Variants in LRBA observed in about 807,000 individuals in gnomAD.
LRBA encodes LPS responsive beige-like anchor protein.
In LRBA, 176 loss-of-function variants were observed where a neutral mutation model predicts 330.0. The ratio of observed to expected loss-of-function variants is 0.53; its 90% CI spans 0.47 to 0.60. LRBA has a LOEUF of 0.60. Ranked by LOEUF, LRBA falls within the 20% of genes least tolerant of loss-of-function variation. The pLI is 0.00. For missense variants in LRBA, 3,259 were observed against 3,444.8 expected (o/e 0.95, Z 1.35); for synonymous variants, 1,230 against 1,193.0 (o/e 1.03, Z -0.64).
intron 35 of LRBA, among the ~76,000 whole-genome samples, chr4:150,736,541 T>C (rs1012764642): frequency 2.0e-5 from 3 of 152,010 alleles, no homozygotes; most frequent in African/African-American, 7.2e-5. Flanking sequence ...CAATGACAAC[T>C]AGACTGAAAC....
chr4:150,980,210 T>C (rs1274486208), intron 2 of LRBA, among the ~76,000 whole-genome samples: 1 of 151,952 alleles, frequency 6.6e-6, no homozygotes, highest in African/African-American at 2.4e-5. Flanking sequence ...ATTAACAGAA[T>C]GGAGAACAAA....
rs138001590 is a variant in LRBA, at chr4:150,623,190, C to A, written c.5922-24059G>T. The stretch of plus-strand genomic sequence containing the variant: ...ACCATTACTGACAAATCTTTCCTGG[C>A]GGTACATTCAAACCTTGCCCCACAA... On this transcript the variant is annotated intron_variant, in intron 37 of 56. Coordinates refer to ENST00000651943, the MANE Select transcript of LRBA (RefSeq NM_001364905.1). Among the ~76,000 whole-genome samples, 4 of 152,280 alleles carry A rather than the reference C, an allele frequency of 2.6e-5. No individual in the cohort carries two copies. In the East Asian group the frequency reaches 5.8e-4, roughly 22 times the overall value.
chr4:150,677,810 A>G (rs114500688), intron 37 of LRBA, among the ~76,000 whole-genome samples: 2 of 108,844 alleles, frequency 1.8e-5, no homozygotes, highest in African/African-American at 4.0e-5. Context: ...GTCTTAAAAA[A>G]AAAAAGAAAA....
At chr4:150,674,955 C>T (rs752454751) in intron 37 of LRBA, among the ~76,000 whole-genome samples, 2 of 151,972 alleles carry the variant, frequency 1.3e-5, no homozygotes, top group African/African-American at 2.4e-5. Context: ...TAATGGCTCA[C>T]GCCTATAATC....
Position 150,934,263 on chromosome 4 carries a change from A to G in LRBA, c.217-5198T>C, listed in dbSNP as rs568241204. Among the ~76,000 whole-genome samples the G allele has an allele frequency of 7.9e-5, 12 of 152,324 alleles. No individual in the cohort carries two copies. The East Asian group carries it at 2.3e-3, about 29-fold the overall frequency. ...GCACCATGCAATCAGAACACATACA[A>G]AACCTATCAAGATGGGCTCAAGCTG... On this transcript the variant is annotated intron_variant, in intron 2 of 56. Transcript: ENST00000651943.
intron 17 of LRBA, among the ~76,000 whole-genome samples, chr4:150,891,546 G>A (rs1285891687): frequency 6.6e-6 from 1 of 152,182 alleles, no homozygotes; most frequent in Non-Finnish European, 1.5e-5. Context: ...AAGCCTAACT[G>A]CCTTGGAGAA....
chr4:150,494,830 T>TA (rs1403416908), intron 40 of LRBA, among the ~76,000 whole-genome samples: 1 of 151,856 alleles, frequency 6.6e-6, no homozygotes, highest in Non-Finnish European at 1.5e-5. Flanking sequence ...CCCGTCTCAA[T>TA]AAAAAAATAA....
chr4:150,955,816 C>T lies in LRBA; in HGVS notation c.217-26751G>A, dbSNP rs970952839. Among the ~76,000 whole-genome samples, 8 of 147,770 alleles carry T rather than the reference C, an allele frequency of 5.4e-5. 1 individual carries two copies. Among genetic ancestry groups the T allele is most frequent in the Admixed American group, 2.7e-4 (4 of 15,092 alleles). ...CTGAGACAGGAGAATCACTTGAACCCGGGAGGCAGAGGTTGTGGTGAGCCG... is the reference window on the plus strand; with the variant it reads ...CTGAGACAGGAGAATCACTTGAACCTGGGAGGCAGAGGTTGTGGTGAGCCG... On this transcript the variant is annotated intron_variant, in intron 2 of 56. Coordinates refer to ENST00000651943, the MANE Select transcript of LRBA (RefSeq NM_001364905.1).
chr4:150,635,115 T>A (rs1156270652), intron 37 of LRBA, among the ~76,000 whole-genome samples: 2 of 152,332 alleles, frequency 1.3e-5, no homozygotes, highest in East Asian at 3.9e-4. Context: ...GAAGTCAACA[T>A]GGCAGATTAG....
chr4:150,865,879 C>T (rs1033906681), intron 22 of LRBA, among the ~76,000 whole-genome samples: 1 of 152,200 alleles, frequency 6.6e-6, no homozygotes, highest in Non-Finnish European at 1.5e-5. Flanking sequence ...CCACGCCTGG[C>T]TAATGTTTGT....
rs771617993 is a variant in LRBA, at chr4:150,817,260, G to A, written c.5172-3C>T. 2.5e-6 allele frequency: 4 copies of A among 1,610,868 alleles called. No individual in the cohort carries two copies. Among genetic ancestry groups the A allele is most frequent in the Admixed American group, 3.3e-5 (2 of 59,778 alleles). The stretch of plus-strand genomic sequence containing the variant: ...TTTTTGCTGCAACAATGACACTTCT[G>A]TAATAAAGAAAGTAAACAGACTGAA... On this transcript the variant is annotated splice_polypyrimidine_tract_variant and splice_region_variant and intron_variant, in intron 30 of 56. Transcript: ENST00000651943.
At chr4:150,336,087 G>GAGGT (rs1191475439) in intron 48 of LRBA, among the ~76,000 whole-genome samples, 1 of 152,202 alleles carries the variant, frequency 6.6e-6, no homozygotes, top group Admixed American at 6.5e-5. Context: ...TTTAGGTTCA[G>GAGGT]AGGTACATGT....
intron 2 of LRBA, among the ~76,000 whole-genome samples, chr4:151,003,783 C>T (rs1743685117): frequency 6.6e-6 from 1 of 151,978 alleles, no homozygotes; most frequent in African/African-American, 2.4e-5. Flanking sequence ...CAGAGCAAGA[C>T]CCTGTCTCAA....
chr4:150,640,656 A>G (rs1259531150), intron 37 of LRBA, among the ~76,000 whole-genome samples: 1 of 152,114 alleles, frequency 6.6e-6, no homozygotes, highest in African/African-American at 2.4e-5. Context: ...GCTCACCATA[A>G]TTTCTGGCAC....
chr4:150,516,124 T>C (rs1762310059), intron 40 of LRBA, among the ~76,000 whole-genome samples: 1 of 151,110 alleles, frequency 6.6e-6, no homozygotes, highest in Non-Finnish European at 1.5e-5. Context: ...TAGTAAGGAG[T>C]ATTCTACCTT....
chr4:150,424,861 A>G (rs77213533), intron 46 of LRBA, among the ~76,000 whole-genome samples: 5,620 of 152,348 alleles, frequency 0.037, 211 homozygotes, highest in African/African-American at 0.082. Context: ...ATTTGAGGAC[A>G]TGCTGTACTT....
intron 13 of LRBA, among the ~76,000 whole-genome samples, chr4:150,901,780 C>T (rs1730754214): frequency 6.6e-6 from 1 of 152,180 alleles, no homozygotes; most frequent in Admixed American, 6.5e-5. Context: ...TATCTATACA[C>T]ATACAATACA....
chr4:150,797,781 T>A (rs745618061), intron 34 of LRBA, among the ~76,000 whole-genome samples: 6 of 152,096 alleles, frequency 3.9e-5, no homozygotes, highest in African/African-American at 1.4e-4. Flanking sequence ...TAGAAATAAA[T>A]CTGTTTTTAT....
At chr4:150,732,773 T>C (rs929738884) in intron 36 of LRBA, among the ~76,000 whole-genome samples, 24 of 152,200 alleles carry the variant, frequency 1.6e-4, no homozygotes, top group African/African-American at 5.5e-4. Context: ...TTCTACTTTC[T>C]AAATATCCTA....
Sources: allele counts gnomAD v4.1 joint callset (sites outside exome capture counted in the v4.1 genomes callset), GRCh38; gene constraint gnomAD v4.1.1; transcripts MANE v1.5; gene names NCBI Gene and HGNC (gene_info 2026-07-23, HGNC 2026-07-21).